DNAJC1: variants seen among roughly 807,000 people sequenced by gnomAD.
The protein encoded by DNAJC1 is dnaJ homolog subfamily C member 1.
DNAJC1 carries 58 observed loss-of-function variants against 76.6 expected under a neutral mutation model. The ratio of observed to expected loss-of-function variants is 0.76; its 90% confidence interval spans 0.61 to 0.94. The LOEUF (loss-of-function observed/expected upper bound fraction) is 0.94. DNAJC1 is among the 40% of genes least tolerant of loss of function. The pLI, the probability that DNAJC1 is intolerant of heterozygous loss-of-function variation, is 0.00. For synonymous variants in DNAJC1, 258 were observed against 267.9 expected (o/e 0.96, Z 0.36); for missense variants, 689 against 677.3 (o/e 1.02, Z -0.19).
chr10:22,003,315 G>C lies in DNAJC1; in HGVS notation c.120C>G (p.Ala40=). ...PLLWLLLLLL[A]AVAPARGWES... The stretch of plus-strand genomic sequence containing the variant: ...CCCAGCCGCGCGCCGGCGCCACGGC[G>C]GCCAGCAGCAGCAGCAGCAGCCACA... The change falls in exon 1 of 12, where the codon GCC becomes GCG. Residue 40 remains alanine (A), a synonymous_variant. Transcript: ENST00000376980. 2 of 1,523,322 alleles carry C rather than the reference G, an allele frequency of 1.3e-6. No homozygotes were observed. The highest frequency in any genetic ancestry group is 1.8e-6 in the Non-Finnish European group (2 of 1,135,800). 94.4% of individuals were successfully genotyped at this position (1,523,322 alleles called of 1,614,324 possible).
intron 8 of DNAJC1, among the ~76,000 whole-genome samples, chr10:21,832,533 A>G (rs1225594087): frequency 6.6e-6 from 1 of 152,154 alleles, no homozygotes; most frequent in Non-Finnish European, 1.5e-5. Flanking sequence ...TTTTAATGGT[A>G]ACTGTCTCTT....
intron 11 of DNAJC1, among the ~76,000 whole-genome samples, chr10:21,757,584 T>C (rs116867268): frequency 6.6e-5 from 10 of 152,356 alleles, no homozygotes; most frequent in East Asian, 3.9e-4. Flanking sequence ...GGGTTTTTTT[T>C]CTGCATCCCC....
At chr10:21,969,763 T>C (rs1837950361) in intron 1 of DNAJC1, among the ~76,000 whole-genome samples, 1 of 152,230 alleles carries the variant, frequency 6.6e-6, no homozygotes, top group Non-Finnish European at 1.5e-5. Context: ...GATTACTCTA[T>C]GATTCACTAT....
intron 9 of DNAJC1, among the ~76,000 whole-genome samples, chr10:21,778,296 G>A (rs1479258121): frequency 6.6e-6 from 1 of 152,170 alleles, no homozygotes; most frequent in Non-Finnish European, 1.5e-5. Context: ...GAACACCTAA[G>A]GCAGGTTTCC....
At chr10:21,905,884 G>T (rs1477434370) in intron 6 of DNAJC1, among the ~76,000 whole-genome samples, 1 of 152,094 alleles carries the variant, frequency 6.6e-6, no homozygotes, top group Non-Finnish European at 1.5e-5. Flanking sequence ...TCCTAGAGCA[G>T]ATAAATCATA....
At position 21,813,244 on chromosome 10, in the gene DNAJC1, A is replaced by ATG. The variant is rs1429581567; in HGVS notation, c.979-7146_979-7145insCA. Among the ~76,000 whole-genome samples the ATG allele has an allele frequency of 2.7e-3, 331 of 122,440 alleles. 5 individuals are homozygous for ATG. The highest frequency in any genetic ancestry group is 3.1e-3 in the Non-Finnish European group (196 of 63,258). 80.3% of individuals were successfully genotyped at this position (122,440 alleles called of 152,430 possible). A position where few individuals can be genotyped will look rare whatever the true frequency, so the allele number is the denominator to read the frequency against. ...TCTATATATATATATATATATATAT[A>ATG]CACATACAGCTTCTGCCTTGCTCTT... is the stretch of plus-strand genomic sequence containing the variant. On this transcript the variant is annotated intron_variant, in intron 8 of 11. Coordinates refer to ENST00000376980, the MANE Select transcript of DNAJC1 (RefSeq NM_022365.4).
intron 1 of DNAJC1, among the ~76,000 whole-genome samples, chr10:21,975,915 T>A (rs1279661920): frequency 2.0e-5 from 3 of 152,198 alleles, no homozygotes; most frequent in South Asian, 2.1e-4. Flanking sequence ...AAGGTTTTTT[T>A]AAAAAGTTAG....
chr10:21,822,299 C>G (rs1487507006), intron 8 of DNAJC1, among the ~76,000 whole-genome samples: 2 of 151,822 alleles, frequency 1.3e-5, no homozygotes, highest in African/African-American at 2.4e-5. Context: ...ATTAGCCAGG[C>G]ATGGTGGTGC....
chr10:21,913,420 T>C (rs758010719), intron 6 of DNAJC1, among the ~76,000 whole-genome samples: 49 of 152,290 alleles, frequency 3.2e-4, no homozygotes, highest in Non-Finnish European at 6.0e-4. Context: ...ACTTGGGATA[T>C]GTGGCACTTC....
intron 9 of DNAJC1, among the ~76,000 whole-genome samples, chr10:21,793,643 T>G (rs1328645594): frequency 6.6e-6 from 1 of 152,148 alleles, no homozygotes; most frequent in Non-Finnish European, 1.5e-5. Context: ...AATTTGAAAG[T>G]GTAATTAAGA....
intron 9 of DNAJC1, among the ~76,000 whole-genome samples, chr10:21,775,176 GCAACTTA>G (rs1219114641): frequency 2.6e-5 from 4 of 151,784 alleles, no homozygotes; most frequent in Non-Finnish European, 4.4e-5. Context: ...CACTTAAAAG[GCAACTTA>G]CAACTTACAA....
At chr10:21,797,618 GCTCAGGAGGC>G (rs1392727559) in intron 9 of DNAJC1, among the ~76,000 whole-genome samples, 1 of 152,182 alleles carries the variant, frequency 6.6e-6, no homozygotes, top group African/African-American at 2.4e-5. Flanking sequence ...GAAGCAATTA[GCTCAGGAGGC>G]CTCTGTCCTC....
intron 1 of DNAJC1, among the ~76,000 whole-genome samples, chr10:21,966,555 ATATTTATTT>A (rs1188723649): frequency 2.6e-5 from 4 of 151,344 alleles, no homozygotes; most frequent in African/African-American, 4.9e-5. Flanking sequence ...AAATTCATGG[ATATTTATTT>A]TATCCTACAG....
intron 10 of DNAJC1, 25 bp downstream of exon 10, chr10:21,766,236 T>C: frequency 6.5e-7 from 1 of 1,544,208 alleles, no homozygotes; most frequent in Non-Finnish European, 8.9e-7. Context: ...TTTAGATTAA[T>C]GAGATAGAGG....
rs150887456 is a variant in DNAJC1 at position 21,788,536 on chromosome 10, C to T, written c.1098+17444G>A. Among the ~76,000 whole-genome samples the T allele has an allele frequency of 2.0e-5, 3 of 152,334 alleles. No individual in the cohort carries two copies. In the East Asian group the frequency reaches 5.8e-4, roughly 29 times the overall value. ...CCCTATGGTCTGGGCTGTTAAGACA[C>T]CTCCCTGTTTGTGGAGTAGTGTTAT... On this transcript the variant is annotated intron_variant, in intron 9 of 11. Coordinates refer to ENST00000376980, the MANE Select transcript of DNAJC1 (RefSeq NM_022365.4).
At position 22,003,219 on chromosome 10, in the gene DNAJC1, C is replaced by A; in HGVS notation, c.216G>T (p.Val72=). 6.4e-7 allele frequency: 1 copy of A among 1,555,406 alleles called. No homozygotes were observed. Among genetic ancestry groups the A allele is most frequent in the Non-Finnish European group, 8.7e-7 (1 of 1,151,822 alleles). ...VQLNFYQFLG[V]QQDASSADIR... ...CGCGCGCCTCCTTGCTTACCTGCTG[C>A]ACCCCGAGGAACTGGTAGAAGTTGA... Residue 72 remains valine, a synonymous_variant, in exon 1 of 12, where the codon GTG becomes GTT. Coordinates refer to ENST00000376980, the MANE Select transcript of DNAJC1 (RefSeq NM_022365.4).
chr10:21,951,873 G>C (rs372477306), intron 1 of DNAJC1, among the ~76,000 whole-genome samples: 62 of 152,228 alleles, frequency 4.1e-4, no homozygotes, highest in African/African-American at 1.3e-3. Flanking sequence ...AAGAATGCTT[G>C]AACATTTATG....
intron 7 of DNAJC1, among the ~76,000 whole-genome samples, chr10:21,899,938 G>A (rs929799845): frequency 3.0e-4 from 45 of 152,164 alleles, no homozygotes; most frequent in African/African-American, 1.1e-3. Context: ...GTTGCTGTGG[G>A]TGTCAGTGAG....
chr10:21,867,255 G>GGA (rs1185774385), intron 8 of DNAJC1, among the ~76,000 whole-genome samples: 3 of 152,048 alleles, frequency 2.0e-5, no homozygotes, highest in African/African-American at 7.3e-5. Flanking sequence ...GGCCTGAAAA[G>GGA]GAGACAGCGA....
Sources: allele counts gnomAD v4.1 joint callset (sites outside exome capture counted in the v4.1 genomes callset), GRCh38; gene constraint gnomAD v4.1.1; transcripts MANE v1.5; gene names NCBI Gene and HGNC (gene_info 2026-07-23, HGNC 2026-07-21).